The following NDST4 variants were observed in gnomAD, a reference collection of about 807,000 sequenced individuals.
NDST4 encodes N-heparan sulfate sulfotransferase 4.
NDST4 carries 63 observed loss-of-function variants against 100.8 expected under a neutral mutation model. That is an observed-to-expected ratio of 0.62 (90% CI 0.51 to 0.77). The LOEUF (loss-of-function observed/expected upper bound fraction) is 0.77. Ranked by LOEUF, NDST4 falls within the 30% of genes least tolerant of loss-of-function variation. NDST4 has a pLI of 0.00. For synonymous variants in NDST4, 377 were observed against 361.8 expected (o/e 1.04, Z -0.48); for missense variants, 943 against 1,018.4 (o/e 0.93, Z 1.01).
chr4:115,067,438 GC>G (rs1440332320), intron 2 of NDST4, among the ~76,000 whole-genome samples: 1 of 151,962 alleles, frequency 6.6e-6, no homozygotes, highest in East Asian at 1.9e-4. Flanking sequence ...TACCAGTGTA[GC>G]CTCTCATCTT....
chr4:115,113,142 A>G (rs1292171550), intron 1 of NDST4, among the ~76,000 whole-genome samples: 3 of 151,994 alleles, frequency 2.0e-5, no homozygotes, highest in Admixed American at 6.6e-5. Context: ...TTGTTATCAA[A>G]TAAGATATTT....
Position 115,076,745 on chromosome 4 carries a change from T to C in NDST4, c.292A>G (p.Ile98Val). 22 of 1,613,912 alleles carry C rather than the reference T, an allele frequency of 1.4e-5. No homozygotes were observed. Among genetic ancestry groups the C allele is most frequent in the Non-Finnish European group, 1.9e-5 (22 of 1,179,926 alleles). ...YSQLGQDIIA[I>V]LESSRFQYHM... ...TACTGAAATCGGCTGGACTCCAAAA[T>C]AGCTATGATATCTTGACCGAGTTGA... is the stretch of plus-strand genomic sequence containing the variant. Residue 98 changes from isoleucine to valine, a missense_variant, in exon 2 of 14, where the codon ATT becomes GTT. Physicochemically the swap from Ile to Val is conservative, Grantham distance 29. Around this residue, in one of 2 missense-constraint regions of NDST4, gnomAD observed 417 missense variants for 384.2 expected, o/e 1.09. Coordinates refer to ENST00000264363, the MANE Select transcript of NDST4 (RefSeq NM_022569.3).
At chr4:114,980,653 TAAAG>T in intron 2 of NDST4, among the ~76,000 whole-genome samples, 1 of 149,788 alleles carries the variant, frequency 6.7e-6, no homozygotes, top group African/African-American at 2.5e-5. Flanking sequence ...AAAAAATAAA[TAAAG>T]AAATAAATAA....
chr4:114,986,826 A>ATTTT (rs1438396923), intron 2 of NDST4, among the ~76,000 whole-genome samples: 11 of 117,334 alleles, frequency 9.4e-5, no homozygotes, highest in African/African-American at 3.6e-4. Flanking sequence ...ATATATATAT[A>ATTTT]TATATATTTT....
At chr4:114,938,852 T>C (rs1188987437) in intron 4 of NDST4, among the ~76,000 whole-genome samples, 1 of 152,230 alleles carries the variant, frequency 6.6e-6, no homozygotes, top group Non-Finnish European at 1.5e-5. Context: ...TTTCCTAACA[T>C]CTGTTACAGT....
intron 2 of NDST4, among the ~76,000 whole-genome samples, chr4:115,066,447 AG>A (rs1388651934): frequency 6.6e-6 from 1 of 152,180 alleles, no homozygotes; most frequent in Non-Finnish European, 1.5e-5. Flanking sequence ...TTTCAATAAA[AG>A]AAAAATTATG....
intron 11 of NDST4, among the ~76,000 whole-genome samples, chr4:114,838,907 C>T (rs1303848364): frequency 6.6e-6 from 1 of 151,560 alleles, no homozygotes; most frequent in African/African-American, 2.4e-5. Flanking sequence ...CATTATAACA[C>T]TCCCCATTTG....
intron 1 of NDST4, among the ~76,000 whole-genome samples, chr4:115,106,344 T>C (rs1729833139): frequency 6.6e-6 from 1 of 152,110 alleles, no homozygotes; most frequent in South Asian, 2.1e-4. Context: ...AACTTTTGGT[T>C]CTTGTTAAAT....
At chr4:114,852,632 C>G in intron 8 of NDST4, 93 bp downstream of exon 8, 1 of 686,026 alleles carries the variant, frequency 1.5e-6, no homozygotes, top group South Asian at 2.2e-5. Context: ...AAATATTTCA[C>G]AAAGAAAAAT....
chr4:114,937,321 G>A lies in NDST4; in HGVS notation c.1404C>T (p.Ile468=), dbSNP rs762311232. Residue 468 remains isoleucine, a synonymous_variant, in exon 5 of 14, where the codon ATC becomes ATT. Transcript: ENST00000264363. ...ATACATGGCTCTCTGTGCTCACCATGATGCTATTGTGAATGAAGCCCTTTC... is the reference window on the plus strand; with the variant it reads ...ATACATGGCTCTCTGTGCTCACCATAATGCTATTGTGAATGAAGCCCTTTC... ...RYRKGFIHNS[I]MVLPRQTCGL... is the part of the protein sequence containing the mutation. The A allele has an allele frequency of 1.2e-6, 2 of 1,613,964 alleles. No homozygotes were observed. Among genetic ancestry groups the A allele is most frequent in the Non-Finnish European group, 1.7e-6 (2 of 1,179,846 alleles).
Position 115,076,994 on chromosome 4 carries a change from T to G in NDST4, c.43A>C (p.Ile15Leu), listed in dbSNP as rs142820981. ...AAGCAAAAGGTAGCTAAGAGAACAA[T>G]CAATGTTCGAAAACTTCTCCGAAGT... is the stretch of plus-strand genomic sequence containing the variant. ...VKLRRSFRTL[I>L]VLLATFCLVS... Residue 15 changes from isoleucine (I) to leucine (L), a missense_variant, in exon 2 of 14, where the codon ATT (isoleucine) becomes CTT (leucine). Coordinates refer to ENST00000264363, the MANE Select transcript of NDST4 (RefSeq NM_022569.3). The G allele has an allele frequency of 6.8e-6, 11 of 1,609,036 alleles. No homozygotes were observed. Among genetic ancestry groups the G allele is most frequent in the Middle Eastern group, 3.3e-4 (2 of 6,048 alleles).
chr4:115,007,320 A>T (rs976811563), intron 2 of NDST4, among the ~76,000 whole-genome samples: 3 of 152,184 alleles, frequency 2.0e-5, no homozygotes, highest in Non-Finnish European at 4.4e-5. Flanking sequence ...AATGGTGACA[A>T]AATGTGCTTT....
At chr4:114,962,365 G>A (rs1726282514) in intron 4 of NDST4, among the ~76,000 whole-genome samples, 1 of 151,918 alleles carries the variant, frequency 6.6e-6, no homozygotes. Flanking sequence ...AGAAGTAAAA[G>A]TATTTCTATT....
intron 4 of NDST4, among the ~76,000 whole-genome samples, chr4:114,956,343 G>C (rs1054770035): frequency 1.3e-5 from 2 of 152,178 alleles, no homozygotes; most frequent in African/African-American, 2.4e-5. Context: ...CACTTTATTT[G>C]AGACACAGTG....
intron 2 of NDST4, among the ~76,000 whole-genome samples, chr4:114,990,094 A>G (rs1308887216): frequency 2.0e-5 from 3 of 152,110 alleles, no homozygotes; most frequent in African/African-American, 7.2e-5. Context: ...ATTTTGTTCC[A>G]ATATTTTGAA....
At chr4:114,837,490 T>A (rs1348606650) in intron 11 of NDST4, among the ~76,000 whole-genome samples, 1 of 151,942 alleles carries the variant, frequency 6.6e-6, no homozygotes, top group Non-Finnish European at 1.5e-5. Flanking sequence ...TACAGACCAA[T>A]GAAACACAAC....
At chr4:114,904,530 A>G (rs1181347295) in intron 6 of NDST4, among the ~76,000 whole-genome samples, 1 of 151,966 alleles carries the variant, frequency 6.6e-6, no homozygotes, top group Non-Finnish European at 1.5e-5. Flanking sequence ...GAATAGAAAG[A>G]AGAATAAAAA....
intron 6 of NDST4, among the ~76,000 whole-genome samples, chr4:114,875,120 G>T (rs951302423): frequency 1.3e-5 from 2 of 152,116 alleles, no homozygotes; most frequent in African/African-American, 4.8e-5. Flanking sequence ...TTCAGTATGT[G>T]CTAATTTCAG....
intron 6 of NDST4, among the ~76,000 whole-genome samples, chr4:114,925,349 C>A (rs1462444907): frequency 6.6e-6 from 1 of 152,132 alleles, no homozygotes; most frequent in African/African-American, 2.4e-5. Context: ...ATTACCTCAT[C>A]TATGCAGCTC....
Sources: allele counts gnomAD v4.1 joint callset (sites outside exome capture counted in the v4.1 genomes callset), GRCh38; gene constraint gnomAD v4.1.1; regional missense constraint gnomAD v4.1.1; transcripts MANE v1.5; gene names NCBI Gene and HGNC (gene_info 2026-07-23, HGNC 2026-07-21).